Variants in LRIG1 observed in about 807,000 individuals in gnomAD.
LRIG1 encodes the protein leucine-rich repeats and immunoglobulin-like domains protein 1.
In LRIG1, 48 loss-of-function variants were observed where a neutral mutation model predicts 99.2. That is an observed-to-expected ratio of 0.48 (90% confidence interval 0.38 to 0.62). LRIG1 has a LOEUF of 0.62. LRIG1 is among the 20% of genes least tolerant of loss of function. The probability of loss-of-function intolerance (pLI) is 0.00; values close to 1 mark genes in which losing one functional copy is unlikely to be tolerated. For synonymous variants in LRIG1, 772 were observed against 596.1 expected (o/e 1.29, Z -4.30); for missense variants, 1,646 against 1,434.4 (o/e 1.15, Z -2.38).
intron 1 of LRIG1, among the ~76,000 whole-genome samples, chr3:66,484,917 G>A (rs898115921): frequency 6.6e-6 from 1 of 152,142 alleles, no homozygotes; most frequent in Admixed American, 6.5e-5. Flanking sequence ...CATTTTGGGA[G>A]GCCGAGGCCA....
At chr3:66,433,930 C>G (rs894433074) in intron 3 of LRIG1, among the ~76,000 whole-genome samples, 1 of 152,198 alleles carries the variant, frequency 6.6e-6, no homozygotes, top group Non-Finnish European at 1.5e-5. Context: ...TTCCCTATTT[C>G]AGGCTTTTAA....
chr3:66,399,236 A>C (rs1455865398), intron 9 of LRIG1, among the ~76,000 whole-genome samples, 195 bp from the exon 10 acceptor site: 1 of 152,222 alleles, frequency 6.6e-6, no homozygotes, highest in Non-Finnish European at 1.5e-5. Context: ...CCCCTTTCTG[A>C]AATGAAATAC....
intron 1 of LRIG1, among the ~76,000 whole-genome samples, chr3:66,496,269 G>A (rs1701225799): frequency 6.6e-6 from 1 of 152,214 alleles, no homozygotes; most frequent in South Asian, 2.1e-4. Context: ...GGGACATTGT[G>A]TGCCAATACA....
At chr3:66,478,369 G>T (rs964653756) in intron 1 of LRIG1, among the ~76,000 whole-genome samples, 4 of 152,180 alleles carry the variant, frequency 2.6e-5, no homozygotes, top group Admixed American at 1.3e-4. Context: ...GCGCAGGCAG[G>T]AGTTTCAGGG....
intron 3 of LRIG1, among the ~76,000 whole-genome samples, chr3:66,441,224 GA>G (rs984121697): frequency 4.6e-5 from 7 of 151,836 alleles, no homozygotes; most frequent in Non-Finnish European, 8.8e-5. Flanking sequence ...AAGTTGGGAA[GA>G]AAAAAAACCA....
intron 11 of LRIG1, among the ~76,000 whole-genome samples, chr3:66,394,690 T>G: frequency 6.6e-6 from 1 of 152,272 alleles, no homozygotes; most frequent in Non-Finnish European, 1.5e-5. Flanking sequence ...GCCTGAGACT[T>G]TGATCCAAAT....
intron 15 of LRIG1, among the ~76,000 whole-genome samples, 178 bp downstream of exon 15, chr3:66,382,804 A>G (rs144498895): frequency 6.8e-6 from 1 of 147,416 alleles, no homozygotes; most frequent in Non-Finnish European, 1.5e-5. Flanking sequence ...GTTAAATTTG[A>G]GAGTATTCCT....
chr3:66,416,990 C>T (rs1702634191), intron 4 of LRIG1, 139 bp downstream of exon 4: 1 of 1,125,322 alleles, frequency 8.9e-7, no homozygotes, highest in African/African-American at 1.5e-5. Context: ...AAGGTCTGAA[C>T]CATCCCCACT....
At chr3:66,407,773 C>T (rs1702328309) in intron 7 of LRIG1, among the ~76,000 whole-genome samples, 2 of 152,226 alleles carry the variant, frequency 1.3e-5, no homozygotes, top group African/African-American at 2.4e-5. Flanking sequence ...AGACTACACA[C>T]GAGGTCATGA....
chr3:66,388,164 AAGAG>A (rs1349640259), intron 12 of LRIG1: 36 of 151,550 alleles, frequency 2.4e-4, no homozygotes, highest in African/African-American at 7.7e-4. Flanking sequence ...TATAGCAATA[AAGAG>A]AAATTATAGA....
chr3:66,407,317 C>T, intron 8 of LRIG1, 31 bp downstream of exon 8: 2 of 1,613,292 alleles, frequency 1.2e-6, no homozygotes, highest in Non-Finnish European at 1.7e-6. Context: ...CACTGGGGAC[C>T]CCTTTATCCT....
At chr3:66,412,644 C>T (rs1273274413) in intron 6 of LRIG1, among the ~76,000 whole-genome samples, 1 of 152,218 alleles carries the variant, frequency 6.6e-6, no homozygotes, top group Admixed American at 6.5e-5. Flanking sequence ...GGCACTGGTG[C>T]CCCACTCCAT....
rs115354685 is a variant in LRIG1 at position 66,478,501 on chromosome 3, C to A, written c.219-15992G>T. ...CCTGCTGCGTGCCAGGAGGACCACA[C>A]AGGTCAATAAGGTAGGCTGTGCCTT... On this transcript the variant is annotated intron_variant, in intron 1 of 18. Coordinates refer to ENST00000273261, the MANE Select transcript of LRIG1 (RefSeq NM_015541.3). Among the ~76,000 whole-genome samples, 178 of 152,332 alleles carry A rather than the reference C, an allele frequency of 1.2e-3. 3 individuals are homozygous for A. The highest frequency in any genetic ancestry group is 4.3e-3 in the African/African-American group (177 of 41,560).
At chr3:66,395,613 G>C (rs983759729) in intron 11 of LRIG1, among the ~76,000 whole-genome samples, 1 of 152,240 alleles carries the variant, frequency 6.6e-6, no homozygotes, top group Non-Finnish European at 1.5e-5. Context: ...ATGAGAGTTT[G>C]CATTTTTATT....
chr3:66,421,242 T>A (rs978879447), intron 3 of LRIG1, among the ~76,000 whole-genome samples: 6 of 152,190 alleles, frequency 3.9e-5, no homozygotes, highest in African/African-American at 1.4e-4. Context: ...CAATCATGCC[T>A]TCCCAACAGT....
At chr3:66,444,677 A>G (rs1703657331) in intron 3 of LRIG1, among the ~76,000 whole-genome samples, 1 of 152,152 alleles carries the variant, frequency 6.6e-6, no homozygotes, top group African/African-American at 2.4e-5. Context: ...CGAGGGTAAG[A>G]CCCAGTGACT....
At chr3:66,393,965 C>T in intron 12 of LRIG1, 75 bp downstream of exon 12, 1 of 1,483,658 alleles carries the variant, frequency 6.7e-7, no homozygotes, top group Non-Finnish European at 9.3e-7. Flanking sequence ...ACAGGAATTA[C>T]TCCCATAATG....
At chr3:66,431,737 G>A (rs535675594) in intron 3 of LRIG1, among the ~76,000 whole-genome samples, 10 of 152,232 alleles carry the variant, frequency 6.6e-5, no homozygotes, top group African/African-American at 2.2e-4. Context: ...CTGACCTCAC[G>A]CCAAATTCCC....
intron 3 of LRIG1, 59 bp downstream of exon 3, chr3:66,451,500 G>T: frequency 6.8e-7 from 1 of 1,462,702 alleles, no homozygotes; most frequent in Non-Finnish European, 9.5e-7. Context: ...GTATCAGCAA[G>T]GCAACAAACA....
Sources: gnomAD v4.1 joint callset for allele counts (sites outside exome capture counted in the v4.1 genomes callset) on GRCh38, gnomAD v4.1.1 for gene constraint, MANE v1.5 for transcripts, NCBI Gene and HGNC (gene_info 2026-07-23, HGNC 2026-07-21) for gene names.